The following EPAS1 variants were observed in gnomAD, a reference collection of about 807,000 sequenced individuals.
EPAS1 encodes endothelial PAS domain protein 1, also known as endothelial PAS domain-containing protein 1.
In EPAS1, 23 loss-of-function variants were observed where a neutral mutation model predicts 87.9. The ratio of observed to expected loss-of-function variants is 0.26; its 90% confidence interval spans 0.19 to 0.37. EPAS1 has a LOEUF of 0.37. Among genes scored for constraint, EPAS1 ranks in the 10% least tolerant of loss-of-function variants. The probability of loss-of-function intolerance (pLI) is 1.00; values close to 1 mark genes in which losing one functional copy is unlikely to be tolerated. For synonymous variants in EPAS1, 508 were observed against 444.3 expected (o/e 1.14, Z -1.80); for missense variants, 1,138 against 1,120.7 (o/e 1.02, Z -0.22).
chr2:46,384,104 G>A (rs1684958288), intron 15 of EPAS1, among the ~76,000 whole-genome samples: 1 of 152,238 alleles, frequency 6.6e-6, no homozygotes, highest in Non-Finnish European at 1.5e-5. Flanking sequence ...TGGATTTTCA[G>A]ACTGTTGAAT....
chr2:46,337,027 G>A (rs892557696), intron 1 of EPAS1, among the ~76,000 whole-genome samples: 10 of 152,248 alleles, frequency 6.6e-5, no homozygotes, highest in African/African-American at 2.4e-4. Flanking sequence ...TTCTAATTAA[G>A]AGCCGGGTTA....
At chr2:46,358,807 G>A (rs900778304) in intron 4 of EPAS1, among the ~76,000 whole-genome samples, 1 of 152,188 alleles carries the variant, frequency 6.6e-6, no homozygotes, top group Non-Finnish European at 1.5e-5. Context: ...TAGACCTAAA[G>A]GGTTAGTGTG....
intron 1 of EPAS1, among the ~76,000 whole-genome samples, chr2:46,299,759 G>A (rs893643277): frequency 2.0e-5 from 3 of 152,176 alleles, no homozygotes; most frequent in African/African-American, 7.2e-5. Context: ...GAGAAACTTG[G>A]GAGCAGGGGA....
chr2:46,321,356 C>T (rs960925550), intron 1 of EPAS1, among the ~76,000 whole-genome samples: 1 of 152,054 alleles, frequency 6.6e-6, no homozygotes, highest in African/African-American at 2.4e-5. Flanking sequence ...AATTTGAGTC[C>T]CTGCTTTCAG....
intron 4 of EPAS1, among the ~76,000 whole-genome samples, chr2:46,359,161 A>T (rs1684333753): frequency 6.8e-6 from 1 of 148,096 alleles, no homozygotes; most frequent in South Asian, 2.2e-4. Flanking sequence ...TGGGAGGCTG[A>T]GGCAGGAGAA....
At chr2:46,332,681 T>A (rs1008034317) in intron 1 of EPAS1, among the ~76,000 whole-genome samples, 7 of 152,202 alleles carry the variant, frequency 4.6e-5, no homozygotes, top group Non-Finnish European at 1.0e-4. Context: ...AGGATTTTTG[T>A]GTTAGTGGCT....
intron 1 of EPAS1, among the ~76,000 whole-genome samples, chr2:46,324,417 C>T (rs1258145357): frequency 6.6e-6 from 1 of 152,180 alleles, no homozygotes; most frequent in African/African-American, 2.4e-5. Context: ...TAGCAAGGCC[C>T]ATGGGCAATA....
At chr2:46,376,017 C>T (rs1684738761) in intron 8 of EPAS1, among the ~76,000 whole-genome samples, 180 bp downstream of exon 8, 1 of 152,198 alleles carries the variant, frequency 6.6e-6, no homozygotes, top group Admixed American at 6.5e-5. Flanking sequence ...TGTCTTGGAA[C>T]AGTGGGATAC....
chr2:46,374,574 C>T (rs1257216761), intron 7 of EPAS1, among the ~76,000 whole-genome samples: 1 of 152,066 alleles, frequency 6.6e-6, no homozygotes, highest in Non-Finnish European at 1.5e-5. Flanking sequence ...AGGAGGAAAC[C>T]AAAACCAAGA....
At chr2:46,351,029 C>G (rs1199347156) in intron 2 of EPAS1, among the ~76,000 whole-genome samples, 1 of 152,158 alleles carries the variant, frequency 6.6e-6, no homozygotes, top group African/African-American at 2.4e-5. Context: ...GATATATGTT[C>G]TGGTACCCTC....
intron 1 of EPAS1, among the ~76,000 whole-genome samples, chr2:46,298,813 C>T (rs993406819): frequency 6.6e-6 from 1 of 152,184 alleles, no homozygotes; most frequent in African/African-American, 2.4e-5. Flanking sequence ...GCTACCCGAG[C>T]GAGGGTTCGA....
intron 1 of EPAS1, among the ~76,000 whole-genome samples, chr2:46,302,170 G>A (rs963722389): frequency 1.4e-5 from 2 of 147,050 alleles, no homozygotes; most frequent in Non-Finnish European, 3.0e-5. Flanking sequence ...CGGGGGGGGG[G>A]GCAGTGGTGA....
Position 46,371,798 on chromosome 2 carries a change from T to C in EPAS1, c.886+1865T>C, listed in dbSNP as rs1684631639. Among the ~76,000 whole-genome samples the C allele has an allele frequency of 6.6e-6, 1 of 152,198 alleles. No individual in the cohort carries two copies. Among genetic ancestry groups the C allele is most frequent in the African/African-American group, 2.4e-5 (1 of 41,436 alleles). On this transcript the variant is annotated intron_variant, in intron 7 of 15. Coordinates refer to ENST00000263734, the MANE Select transcript of EPAS1 (RefSeq NM_001430.5). This position sits in a 1 kb window ranked among gnomAD's most constrained non-coding sequence, Gnocchi z 4.3. ...ACCTTCCTGACTTTAGATGTAAAAC[T>C]GGGGAAAAGTCTAGCCTTCCTTCCA...
Position 46,380,676 on chromosome 2 carries a change from G to A in EPAS1, c.2004G>A (p.Gly668=), listed in dbSNP as rs1293509005. Residue 668 remains glycine, a synonymous_variant, in exon 12 of 16, where the codon GGG becomes GGA. Coordinates refer to ENST00000263734, the MANE Select transcript of EPAS1 (RefSeq NM_001430.5). The surrounding 1 kb of genome is among the most constrained non-coding windows in gnomAD (Gnocchi z 4.4). The stretch of plus-strand genomic sequence containing the variant: ...AGTTCTTGGGAGCAGCGCCGTTGGG[G>A]CCCCCTGTCTCTCCACCCCATGTCT... ...RTEFLGAAPL[G]PPVSPPHVST... 1.2e-6 allele frequency: 2 copies of A among 1,613,632 alleles called. No individual in the cohort carries two copies. Among genetic ancestry groups the A allele is most frequent in the Non-Finnish European group, 1.7e-6 (2 of 1,180,012 alleles).
rs757352461 is a variant in EPAS1 at position 46,360,968 on chromosome 2, G to A, written c.657G>A (p.Leu219=). ...TGTGTGGCTACAAGGAGCCCCTGCT[G>A]TCCTGCCTCATCATCATGTGTGAAC... ...NSLCGYKEPL[L]SCLIIMCEPI... is the part of the protein sequence containing the mutation. The change falls in exon 6 of 16, where the codon CTG becomes CTA. Residue 219 remains leucine (L), a synonymous_variant. Coordinates refer to ENST00000263734, the MANE Select transcript of EPAS1 (RefSeq NM_001430.5). The surrounding 1 kb of genome is among the most constrained non-coding windows in gnomAD (Gnocchi z 4.5). 1 of 1,614,194 alleles carries A rather than the reference G, an allele frequency of 6.2e-7. No homozygotes were observed. Among genetic ancestry groups the A allele is most frequent in the South Asian group, 1.1e-5 (1 of 91,080 alleles).
rs1363479723 is a variant in EPAS1, at chr2:46,385,825, C to T, written c.*1165C>T. 2 of 152,154 alleles carry T rather than the reference C, an allele frequency of 1.3e-5. No homozygotes were observed. Among genetic ancestry groups the T allele is most frequent in the East Asian group, 1.9e-4 (1 of 5,200 alleles). The allele number at this position is 152,154 out of a possible 1,614,324, so 9.4% of individuals were successfully genotyped here. A position where few individuals can be genotyped will look rare whatever the true frequency, so the allele number is the denominator to read the frequency against. On this transcript the variant is annotated 3_prime_UTR_variant, in exon 16 of 16. Transcript: ENST00000263734. ...TTCAAGTGCACTGAGCTATGTGACT[C>T]GGATGGTCTTTCACACGGCACATTT...
rs761084491 is a variant in EPAS1, at chr2:46,382,511, G to T, written c.2374G>T (p.Gly792Trp). ...ACAGCCTCCATCTGCCATCAGTCCC[G>T]GGGAGAACAGCAAGAGCAGGTTCCC... ...LPQPPSAISPGENSKSRFPPQ... is the reference protein window; with the variant it reads ...LPQPPSAISPWENSKSRFPPQ... Residue 792 changes from glycine to tryptophan, a missense_variant, in exon 15 of 16, where the codon GGG becomes TGG. Gly to Trp is a radical substitution (Grantham distance 184). This residue lies in a region of EPAS1 where 502 missense variants were observed against 427.1 expected (regional missense o/e 1.18). Coordinates refer to ENST00000263734, the MANE Select transcript of EPAS1 (RefSeq NM_001430.5). 3 of 1,613,998 alleles carry T rather than the reference G, an allele frequency of 1.9e-6. No homozygotes were observed. Among genetic ancestry groups the T allele is most frequent in the Non-Finnish European group, 1.7e-6 (2 of 1,180,034 alleles).
At chr2:46,376,869 C>T in intron 9 of EPAS1, 116 bp downstream of exon 9, 2 of 1,087,568 alleles carry the variant, frequency 1.8e-6, no homozygotes, top group Non-Finnish European at 2.7e-6. Flanking sequence ...ACCCCAGCCC[C>T]CCAAGTCTTG....
At position 46,346,132 on chromosome 2, in the gene EPAS1, G is replaced by C. The variant is rs1326415721; in HGVS notation, c.27-741G>C. Among the ~76,000 whole-genome samples, 2 of 152,214 alleles carry C rather than the reference G, an allele frequency of 1.3e-5. No homozygotes were observed. The highest frequency in any genetic ancestry group is 2.9e-5 in the Non-Finnish European group (2 of 68,034). On this transcript the variant is annotated intron_variant, in intron 1 of 15. Transcript: ENST00000263734. This position sits in a 1 kb window ranked among gnomAD's most constrained non-coding sequence, Gnocchi z 4.0. ...CAGGATTTCTTTAGGACTTCTAAAA[G>C]AGGCAGGCTTCAGTGCGTGTCATCT...
Sources: allele counts gnomAD v4.1 joint callset (sites outside exome capture counted in the v4.1 genomes callset), GRCh38; gene constraint gnomAD v4.1.1; regional missense constraint gnomAD v4.1.1; non-coding constraint Gnocchi (gnomAD v3.1); transcripts MANE v1.5; gene names NCBI Gene and HGNC (gene_info 2026-07-23, HGNC 2026-07-21).